The following SLC16A1 variants were observed in gnomAD, a reference collection of about 807,000 sequenced individuals.
SLC16A1 encodes the protein solute carrier family 16 member 1.
A neutral mutation model predicts 32.2 loss-of-function variants in SLC16A1; 11 were observed. The ratio of observed to expected loss-of-function variants is 0.34; its 90% confidence interval spans 0.21 to 0.56. SLC16A1 has a LOEUF of 0.56. Ranked by LOEUF, SLC16A1 falls within the 20% of genes least tolerant of loss-of-function variation. The pLI is 0.87. For missense variants in SLC16A1, 435 were observed against 615.0 expected (o/e 0.71, Z 3.10); for synonymous variants, 231 against 226.8 (o/e 1.02, Z -0.17).
chr1:112,928,968 T>G (rs1649030777), intron 2 of SLC16A1, 124 bp downstream of exon 2: 2 of 744,672 alleles, frequency 2.7e-6, no homozygotes, highest in Admixed American at 5.0e-5. Context: ...AACACCAAAC[T>G]TTAAGAAATA....
At chr1:112,921,672 C>T (rs944001069) in intron 3 of SLC16A1, among the ~76,000 whole-genome samples, 11 of 152,120 alleles carry the variant, frequency 7.2e-5, no homozygotes, top group African/African-American at 2.7e-4. Context: ...GTTATGTGGA[C>T]ATTCTATCAA....
intron 1 of SLC16A1, among the ~76,000 whole-genome samples, chr1:112,937,098 A>G (rs1649333810): frequency 6.6e-6 from 1 of 152,260 alleles, no homozygotes; most frequent in South Asian, 2.1e-4. Flanking sequence ...GAGAACACTT[A>G]AAAAATTTCA....
intron 4 of SLC16A1, among the ~76,000 whole-genome samples, chr1:112,915,752 G>T (rs1274138630): frequency 8.1e-6 from 1 of 122,706 alleles, no homozygotes; most frequent in Non-Finnish European, 1.6e-5. Context: ...ATAGAACTTA[G>T]TAACTCACTG....
At chr1:112,929,984 T>C (rs748069547) in intron 1 of SLC16A1, among the ~76,000 whole-genome samples, 1 of 152,340 alleles carries the variant, frequency 6.6e-6, no homozygotes, top group Middle Eastern at 3.4e-3. Flanking sequence ...CTTCCAGACT[T>C]TGCCCTATGT....
intron 1 of SLC16A1, among the ~76,000 whole-genome samples, chr1:112,941,291 T>G (rs997400178): frequency 6.7e-6 from 1 of 150,312 alleles, no homozygotes; most frequent in African/African-American, 2.5e-5. Context: ...TTTTTTTTTT[T>G]TTTTTTTGAG....
chr1:112,948,404 A>G (rs1000995201), intron 1 of SLC16A1, among the ~76,000 whole-genome samples: 8 of 152,230 alleles, frequency 5.3e-5, no homozygotes, highest in Non-Finnish European at 1.2e-4. Context: ...TTTAATTGCT[A>G]ACGATATAAA....
At chr1:112,918,129 T>C (rs1648586068) in intron 3 of SLC16A1, 85 bp from the exon 4 acceptor site, 10 of 894,364 alleles carry the variant, frequency 1.1e-5, no homozygotes, top group Admixed American at 4.3e-5. Flanking sequence ...ATGGAAGGAA[T>C]AGGATATAAA....
In SLC16A1 at chr1:112,917,513, G is replaced by C. The variant is rs1648557758; in HGVS notation, c.893C>G (p.Ser298Cys). 6.2e-7 allele frequency: 1 copy of C among 1,614,082 alleles called. No homozygotes were observed. Among genetic ancestry groups the C allele is most frequent in the South Asian group, 1.1e-5 (1 of 91,068 alleles). The change falls in exon 4 of 5, where the codon TCT (serine) becomes TGT (cysteine). Residue 298 changes from serine to cysteine, a missense_variant. Transcript: ENST00000369626. This position sits in a 1 kb window ranked among gnomAD's most constrained non-coding sequence, Gnocchi z 4.1. ...AGCCAGAATGGAAAGAAGGAAGGCA[G>C]ACTTCTCACTAGAATAATGCTGACT... ...GKSQHYSSEK[S>C]AFLLSILAFV...
intron 1 of SLC16A1, among the ~76,000 whole-genome samples, chr1:112,932,793 CAAA>C (rs34232032): frequency 1.1e-4 from 6 of 57,116 alleles, no homozygotes; most frequent in Admixed American, 5.0e-4. Flanking sequence ...GACTCCGTCG[CAAA>C]AAAAAAAAAA....
intron 1 of SLC16A1, among the ~76,000 whole-genome samples, chr1:112,934,457 T>TTTA (rs1264725664): frequency 6.6e-6 from 1 of 152,236 alleles, no homozygotes; most frequent in African/African-American, 2.4e-5. Context: ...ATGGAAATAC[T>TTTA]TTATTATCAT....
rs1378361156 is a variant in SLC16A1, at chr1:112,912,402, G to A, written c.*1489C>T. The A allele has an allele frequency of 6.6e-6, 1 of 152,118 alleles. No individual in the cohort carries two copies. Among genetic ancestry groups the A allele is most frequent in the Non-Finnish European group, 1.5e-5 (1 of 68,006 alleles). 9.4% of individuals were successfully genotyped at this position (152,118 alleles called of 1,614,324 possible). On this transcript the variant is annotated 3_prime_UTR_variant, in exon 5 of 5. Coordinates refer to ENST00000369626, the MANE Select transcript of SLC16A1 (RefSeq NM_003051.4). ...TGGAAAAGTCAGCCTCTTACACAAG[G>A]TTTTGTATCTATACTTTTACTCTGT...
rs10627911 is a variant in SLC16A1 at position 112,929,007 on chromosome 1, C to CTTT, written c.217+82_217+84dup. 1.4e-3 allele frequency: 1,157 copies of CTTT among 807,456 alleles called. 9 individuals are homozygous for CTTT. The African/African-American group carries it at 0.018, about 13-fold the overall frequency. 50.0% of individuals were successfully genotyped at this position (807,456 alleles called of 1,614,324 possible). The stretch of plus-strand genomic sequence containing the variant: ...TTTCAAAACATCTCACTGAATAAGA[C>CTTT]TTTTTTTTTTTTTTAAAGTTACCTA... On this transcript the variant is annotated intron_variant, in intron 2 of 4. Transcript: ENST00000369626.
At chr1:112,915,004 T>G (rs1263162953) in intron 4 of SLC16A1, among the ~76,000 whole-genome samples, 1 of 152,236 alleles carries the variant, frequency 6.6e-6, no homozygotes, top group Non-Finnish European at 1.5e-5. Context: ...CTGGGAAAAT[T>G]CTACTCTATG....
intron 2 of SLC16A1, among the ~76,000 whole-genome samples, chr1:112,928,292 C>T (rs1274352060): frequency 6.6e-6 from 1 of 152,146 alleles, no homozygotes; most frequent in African/African-American, 2.4e-5. Flanking sequence ...TCATATATTA[C>T]TGTCTCAAAA....
intron 1 of SLC16A1, among the ~76,000 whole-genome samples, chr1:112,946,694 C>G (rs1344775027): frequency 1.3e-5 from 2 of 152,168 alleles, no homozygotes; most frequent in Non-Finnish European, 2.9e-5. Context: ...GCTGGGATTA[C>G]AGGCATGCAC....
chr1:112,955,802 C>T (rs1222541561), intron 1 of SLC16A1: 1 of 152,350 alleles, frequency 6.6e-6, no homozygotes, highest in Non-Finnish European at 1.5e-5. Flanking sequence ...CATCTTAGCA[C>T]GGGGCCCGCG....
chr1:112,933,906 G>T (rs1649219377), intron 1 of SLC16A1, among the ~76,000 whole-genome samples: 1 of 152,116 alleles, frequency 6.6e-6, no homozygotes. Flanking sequence ...AAATTCTCTA[G>T]CAGCTTGATG....
chr1:112,931,371 C>A (rs559617820), intron 1 of SLC16A1, among the ~76,000 whole-genome samples: 1 of 151,816 alleles, frequency 6.6e-6, no homozygotes, highest in African/African-American at 2.4e-5. Context: ...TTAGGCCAGG[C>A]GCAGTGGCTC....
At chr1:112,924,111 G>A (rs747428394) in intron 2 of SLC16A1, 19 of 1,358,666 alleles carry the variant, frequency 1.4e-5, no homozygotes, top group South Asian at 4.7e-5. Flanking sequence ...CCTGCAGGCC[G>A]CGTATGGCGC....
Sources: gnomAD v4.1 joint callset for allele counts (sites outside exome capture counted in the v4.1 genomes callset) on GRCh38, gnomAD v4.1.1 for gene constraint, Gnocchi (gnomAD v3.1) non-coding constraint, MANE v1.5 for transcripts, NCBI Gene and HGNC (gene_info 2026-07-23, HGNC 2026-07-21) for gene names.